The following PCDH15 variants were observed in gnomAD, a reference collection of about 807,000 sequenced individuals.
PCDH15 encodes the protein protocadherin related 15.
Under a neutral mutation model 178.5 loss-of-function variants are expected in PCDH15, and 129 were observed. That is an observed-to-expected ratio of 0.72 (90% CI 0.63 to 0.84). The LOEUF is 0.84. PCDH15 is among the 40% of genes least tolerant of loss of function. The pLI is 0.00. For missense variants in PCDH15, 2,230 were observed against 2,099.9 expected (o/e 1.06, Z -1.21); for synonymous variants, 800 against 732.0 (o/e 1.09, Z -1.50).
At chr10:54,190,507 G>T (rs72797092) in intron 11 of PCDH15, among the ~76,000 whole-genome samples, 182 of 152,274 alleles carry the variant, frequency 1.2e-3, no homozygotes, top group Non-Finnish European at 2.2e-3. Context: ...GGGCTCAAGG[G>T]ATCCTTCTGC....
At chr10:54,651,222 G>A (rs1368255291) in intron 2 of PCDH15, among the ~76,000 whole-genome samples, 1 of 151,992 alleles carries the variant, frequency 6.6e-6, no homozygotes, top group African/African-American at 2.4e-5. Flanking sequence ...AATATAGACA[G>A]AAGGAAATAA....
At chr10:54,517,922 C>T (rs1393486065) in intron 3 of PCDH15, among the ~76,000 whole-genome samples, 1 of 152,096 alleles carries the variant, frequency 6.6e-6, no homozygotes, top group South Asian at 2.1e-4. Context: ...CAAAACCACT[C>T]GACTACATGG....
chr10:54,749,273 A>G (rs1341792872), intron 1 of PCDH15, among the ~76,000 whole-genome samples: 1 of 152,204 alleles, frequency 6.6e-6, no homozygotes, highest in Admixed American at 6.5e-5. Flanking sequence ...AAACATGATG[A>G]CGATTTGTAA....
intron 2 of PCDH15, among the ~76,000 whole-genome samples, chr10:54,646,522 T>A (rs1028580421): frequency 3.9e-5 from 6 of 152,094 alleles, no homozygotes; most frequent in African/African-American, 1.4e-4. Flanking sequence ...TTCCTAAAGT[T>A]CCAGGGGGCG....
intron 1 of PCDH15, among the ~76,000 whole-genome samples, chr10:55,294,565 G>T (rs1393147207): frequency 6.6e-6 from 1 of 152,114 alleles, no homozygotes; most frequent in Non-Finnish European, 1.5e-5. Context: ...ACTCAGAAAT[G>T]TATTATTTTT....
chr10:54,587,847 T>C (rs1323377529), intron 2 of PCDH15, among the ~76,000 whole-genome samples: 1 of 152,170 alleles, frequency 6.6e-6, no homozygotes, highest in African/African-American at 2.4e-5. Flanking sequence ...TAATGTAAGA[T>C]ATGAGTTGAA....
chr10:55,282,058 G>A (rs1178099585), intron 1 of PCDH15, among the ~76,000 whole-genome samples: 2 of 152,106 alleles, frequency 1.3e-5, no homozygotes, highest in African/African-American at 2.4e-5. Flanking sequence ...CGCCAAGAAA[G>A]AGCAATGTTT....
At chr10:53,945,866 T>C (rs1443355034) in intron 23 of PCDH15, among the ~76,000 whole-genome samples, 2 of 140,052 alleles carry the variant, frequency 1.4e-5, no homozygotes, top group African/African-American at 2.7e-5. Context: ...TATATATATA[T>C]ATATATATAT....
intron 2 of PCDH15, among the ~76,000 whole-genome samples, chr10:55,493,391 A>G (rs1468187082): frequency 6.6e-6 from 1 of 151,726 alleles, no homozygotes; most frequent in Non-Finnish European, 1.5e-5. Context: ...ACTTGTCACT[A>G]CAAAATATTA....
At chr10:53,892,261 G>C (rs1378602836) in intron 26 of PCDH15, among the ~76,000 whole-genome samples, 2 of 151,714 alleles carry the variant, frequency 1.3e-5, no homozygotes, top group East Asian at 3.9e-4. Flanking sequence ...TCCTGACCTC[G>C]TGATCCACCC....
chr10:54,172,494 G>A lies in PCDH15; in HGVS notation c.1590+10950C>T, dbSNP rs182170545. On this transcript the variant is annotated intron_variant, in intron 13 of 37. Coordinates refer to ENST00000644397, the MANE Select transcript of PCDH15 (RefSeq NM_001384140.1). Reference sequence around the variant, plus strand: ...AAAGCCTGTTTGGTGGTCTCTTCACGCGCATGAAAATAACAAAATTTACTA... The same window carrying A: ...AAAGCCTGTTTGGTGGTCTCTTCACACGCATGAAAATAACAAAATTTACTA... Among the ~76,000 whole-genome samples the A allele has an allele frequency of 3.2e-3, 489 of 152,072 alleles. 1 individual carries two copies. The highest frequency in any genetic ancestry group is 5.2e-3 in the Non-Finnish European group (351 of 68,010).
intron 2 of PCDH15, among the ~76,000 whole-genome samples, chr10:55,060,226 T>G (rs761599533): frequency 6.6e-6 from 1 of 152,024 alleles, no homozygotes; most frequent in Non-Finnish European, 1.5e-5. Context: ...GCAAGGAGGG[T>G]TAACCCAAGC....
chr10:55,516,899 C>T (rs1247402712), intron 2 of PCDH15, among the ~76,000 whole-genome samples: 1 of 151,940 alleles, frequency 6.6e-6, no homozygotes, highest in Non-Finnish European at 1.5e-5. Flanking sequence ...TTTATATCAG[C>T]TAATGGAGAC....
At chr10:55,439,856 C>T (rs1165824308) in intron 2 of PCDH15, among the ~76,000 whole-genome samples, 2 of 151,924 alleles carry the variant, frequency 1.3e-5, no homozygotes, top group Non-Finnish European at 2.9e-5. Context: ...TAGAATGAAA[C>T]AGAATTTCCC....
At chr10:54,247,074 C>A (rs2056015870) in intron 8 of PCDH15, among the ~76,000 whole-genome samples, 1 of 151,826 alleles carries the variant, frequency 6.6e-6, no homozygotes, top group South Asian at 2.1e-4. Flanking sequence ...TATTACAATT[C>A]TTATGGCTTA....
chr10:55,534,512 C>A (rs1841527959), intron 2 of PCDH15, among the ~76,000 whole-genome samples: 1 of 152,042 alleles, frequency 6.6e-6, no homozygotes, highest in South Asian at 2.1e-4. Context: ...ATCAAAACCA[C>A]AATGAGCTAT....
In PCDH15 at chr10:54,260,298, T is replaced by A. The variant is rs149024368; in HGVS notation, c.877-23367A>T. ...ATTAACTTTTTCTAAATGTTTAATTTTTTTTTTGAGAAGGAATCTCTCTCT... is the reference window on the plus strand; with the variant it reads ...ATTAACTTTTTCTAAATGTTTAATTATTTTTTTGAGAAGGAATCTCTCTCT... On this transcript the variant is annotated intron_variant, in intron 8 of 37. Transcript: ENST00000644397. Among the ~76,000 whole-genome samples the A allele has an allele frequency of 2.7e-3, 408 of 152,222 alleles. 1 individual carries two copies. Among genetic ancestry groups the A allele is most frequent in the African/African-American group, 9.4e-3 (391 of 41,548 alleles).
At chr10:53,987,353 T>G (rs1016669508) in intron 21 of PCDH15, among the ~76,000 whole-genome samples, 1 of 152,056 alleles carries the variant, frequency 6.6e-6, no homozygotes, top group Non-Finnish European at 1.5e-5. Flanking sequence ...AAAGTGTATA[T>G]CCTCAATAAA....
At chr10:54,723,705 A>AAAT (rs1393724949) in intron 1 of PCDH15, among the ~76,000 whole-genome samples, 2 of 146,534 alleles carry the variant, frequency 1.4e-5, no homozygotes, top group African/African-American at 5.1e-5. Context: ...AACAAGAAAA[A>AAAT]AAATAATTCC....
Sources: allele counts gnomAD v4.1 joint callset (sites outside exome capture counted in the v4.1 genomes callset), GRCh38; gene constraint gnomAD v4.1.1; transcripts MANE v1.5; gene names NCBI Gene and HGNC (gene_info 2026-07-23, HGNC 2026-07-21).